CR1L: variants seen among roughly 807,000 people sequenced by gnomAD.
CR1L encodes the protein complement component receptor 1-like protein.
Under a neutral mutation model 62.3 loss-of-function variants are expected in CR1L, and 59 were observed. The observed-to-expected ratio is 0.95, with a 90% CI of 0.77 to 1.18. The LOEUF (loss-of-function observed/expected upper bound fraction) is 1.18, where lower values mean the gene tolerates loss of function less well. Among genes scored for constraint, CR1L ranks in the 50% most tolerant of loss-of-function variants. CR1L has a pLI of 0.00. For synonymous variants in CR1L, 279 were observed against 248.7 expected, an observed-to-expected ratio of 1.12 and a Z score of -1.15; for missense variants, 700 against 702.8, an observed-to-expected ratio of 1.00 and a Z score of 0.04.
At chr1:207,664,150 G>A (rs995751720) in intron 1 of CR1L, among the ~76,000 whole-genome samples, 4 of 152,150 alleles carry the variant, frequency 2.6e-5, no homozygotes, top group African/African-American at 9.7e-5. Context: ...TATGATGGAA[G>A]GGATTATTGT....
Position 207,694,492 on chromosome 1 carries a change from T to C in CR1L, c.603T>C (p.Gly201=), listed in dbSNP as rs1664041581. ...SRGKKVFELV[G]EPSIYCTSKD... is the part of the protein sequence containing the mutation. ...GGAAAAAGGTGTTTGAGCTTGTGGG[T>C]GAGCCCTCCATATACTGCACCAGCA... The change falls in exon 5 of 12, where the codon GGT becomes GGC. Residue 201 remains glycine, a synonymous_variant. Coordinates refer to ENST00000508064, the MANE Select transcript of CR1L (RefSeq NM_175710.2). 6.2e-7 allele frequency: 1 copy of C among 1,613,776 alleles called. No homozygotes were observed. Among genetic ancestry groups the C allele is most frequent in the Admixed American group, 1.7e-5 (1 of 60,004 alleles).
intron 10 of CR1L, 91 bp downstream of exon 10, chr1:207,708,354 G>A (rs1664303294): frequency 1.3e-6 from 2 of 1,486,994 alleles, no homozygotes; most frequent in Admixed American, 3.4e-5. Flanking sequence ...ATCCCTCTTG[G>A]AAATGGTATC....
At chr1:207,691,130 T>A (rs1421645618) in intron 4 of CR1L, among the ~76,000 whole-genome samples, 2 of 152,236 alleles carry the variant, frequency 1.3e-5, no homozygotes, top group African/African-American at 4.8e-5. Flanking sequence ...CTTTAAGCAA[T>A]CTTTACTTTA....
In CR1L at chr1:207,708,243, T is replaced by C. The variant is rs758944158; in HGVS notation, c.1394T>C (p.Met465Thr). The C allele has an allele frequency of 2.0e-5, 32 of 1,611,428 alleles. No individual in the cohort carries two copies. The highest frequency in any genetic ancestry group is 3.3e-5 in the South Asian group (3 of 90,978). The change falls in exon 10 of 12, where the codon ATG (methionine) becomes ACG (threonine). Residue 465 changes from methionine to threonine, a missense_variant. Transcript: ENST00000508064. ...ILSGNTAHWS[M>T]KPPICQQIFC... The stretch of plus-strand genomic sequence containing the variant: ...TCGGGCAATACTGCCCATTGGAGCA[T>C]GAAGCCACCAATTTGTCAACGTGAG...
At chr1:207,716,322 G>T (rs1466599001) in intron 10 of CR1L, among the ~76,000 whole-genome samples, 1 of 152,014 alleles carries the variant, frequency 6.6e-6, no homozygotes, top group Non-Finnish European at 1.5e-5. Flanking sequence ...GGAAGGAGCC[G>T]GGATGACGAA....
At chr1:207,691,651 A>G (rs1377943379) in intron 4 of CR1L, among the ~76,000 whole-genome samples, 1 of 152,128 alleles carries the variant, frequency 6.6e-6, no homozygotes, top group Non-Finnish European at 1.5e-5. Context: ...CTTTTAAGTT[A>G]TATTTCATTT....
chr1:207,698,958 C>A (rs1178293153), intron 7 of CR1L, among the ~76,000 whole-genome samples: 1 of 152,156 alleles, frequency 6.6e-6, no homozygotes, highest in African/African-American at 2.4e-5. Flanking sequence ...TTTGTGACCA[C>A]CTTTTTCAAT....
At chr1:207,718,073 G>C (rs1159055476) in intron 11 of CR1L, among the ~76,000 whole-genome samples, 1 of 152,222 alleles carries the variant, frequency 6.6e-6, no homozygotes, top group Non-Finnish European at 1.5e-5. Flanking sequence ...TGCGCAAAAA[G>C]TACATGATGA....
chr1:207,645,198 A>G lies in CR1L; in HGVS notation c.-36A>G. On this transcript the variant is annotated 5_prime_UTR_variant, in exon 1 of 12. Coordinates refer to ENST00000508064, the MANE Select transcript of CR1L (RefSeq NM_175710.2). ...CGGCTGGCTTTCGGTTTCTCTGCTC[A>G]CCTCCGGATAAATCACGGGGTCTCC... The G allele has an allele frequency of 6.2e-7, 1 of 1,606,766 alleles. No individual in the cohort carries two copies. The highest frequency in any genetic ancestry group is 8.5e-7 in the Non-Finnish European group (1 of 1,175,998).
chr1:207,708,375 T>C (rs1664303645), intron 10 of CR1L, 112 bp downstream of exon 10: 1 of 1,373,796 alleles, frequency 7.3e-7, no homozygotes, highest in East Asian at 2.3e-5. Flanking sequence ...CTTCTGATAT[T>C]TGAAGAATCC....
At chr1:207,666,835 G>A (rs146184123) in intron 1 of CR1L, among the ~76,000 whole-genome samples, 9 of 152,274 alleles carry the variant, frequency 5.9e-5, no homozygotes, top group African/African-American at 1.4e-4. Context: ...ACCTGCACAT[G>A]TACCCCTAAA....
chr1:207,677,387 A>G lies in CR1L; in HGVS notation c.98-2A>G. 1 of 1,590,870 alleles carries G rather than the reference A, an allele frequency of 6.3e-7. No homozygotes were observed. The highest frequency in any genetic ancestry group is 1.4e-5 in the African/African-American group (1 of 73,530). On this transcript the variant is annotated splice_acceptor_variant, in intron 1 of 11. Transcript: ENST00000508064. LOFTEE classifies it high-confidence loss of function. ...CGATGCTGCTGTGGTCTTGATCCCC[A>G]GATCAATGCAATGTCCCGGAATGGC... is the stretch of plus-strand genomic sequence containing the variant.
Position 207,695,712 on chromosome 1 carries a change from A to G in CR1L, c.862+961A>G, listed in dbSNP as rs560108733. ...ATTAACTCTCAGTTCTGCAGGCTAT[A>G]CAGGAGGAATGACTGAAGACTCCTC... On this transcript the variant is annotated intron_variant, in intron 5 of 11. Transcript: ENST00000508064. Among the ~76,000 whole-genome samples, 9 of 152,344 alleles carry G rather than the reference A, an allele frequency of 5.9e-5. No homozygotes were observed. The South Asian group carries it at 1.9e-3, about 32-fold the overall frequency.
chr1:207,661,806 G>C (rs1368130340), intron 1 of CR1L, among the ~76,000 whole-genome samples: 2 of 152,240 alleles, frequency 1.3e-5, no homozygotes, highest in East Asian at 3.9e-4. Flanking sequence ...TCCATGTTTA[G>C]TGCTTCCTTC....
chr1:207,687,889 TTAA>T (rs1012848439), intron 4 of CR1L, among the ~76,000 whole-genome samples: 6 of 152,240 alleles, frequency 3.9e-5, no homozygotes, highest in African/African-American at 1.4e-4. Flanking sequence ...TTTTCCCTTC[TTAA>T]TGATGTCTTC....
intron 10 of CR1L, among the ~76,000 whole-genome samples, chr1:207,709,784 C>T (rs1385114565): frequency 1.4e-5 from 2 of 147,950 alleles, no homozygotes; most frequent in Non-Finnish European, 3.0e-5. Flanking sequence ...TTGCAGTGAG[C>T]CAAGATCATG....
At chr1:207,676,379 C>A (rs1157205719) in intron 1 of CR1L, among the ~76,000 whole-genome samples, 2 of 152,118 alleles carry the variant, frequency 1.3e-5, no homozygotes, top group Admixed American at 6.5e-5. Context: ...GGTGAGCGGC[C>A]AAGCATTACT....
intron 3 of CR1L, among the ~76,000 whole-genome samples, chr1:207,679,686 G>A (rs946403491): frequency 1.3e-5 from 2 of 152,126 alleles, no homozygotes; most frequent in Non-Finnish European, 2.9e-5. Flanking sequence ...CCAAAACTTG[G>A]AAGCAATCAA....
At chr1:207,706,007 G>GTA (rs1664259974) in intron 9 of CR1L, among the ~76,000 whole-genome samples, 1 of 75,666 alleles carries the variant, frequency 1.3e-5, no homozygotes, top group Admixed American at 1.7e-4. Context: ...ATATGTGTGT[G>GTA]TGTATGTATA....
Sources: gnomAD v4.1 joint callset for allele counts (sites outside exome capture counted in the v4.1 genomes callset) on GRCh38, gnomAD v4.1.1 for gene constraint, MANE v1.5 for transcripts, NCBI Gene and HGNC (gene_info 2026-07-23, HGNC 2026-07-21) for gene names.